POU3F3: variants seen among roughly 807,000 people sequenced by gnomAD.
The protein encoded by POU3F3 is POU class 3 homeobox 3.
A neutral mutation model predicts 8.6 loss-of-function variants in POU3F3; 1 was observed. The observed-to-expected ratio is 0.12, with a 90% confidence interval of 0.04 to 0.55. The LOEUF (loss-of-function observed/expected upper bound fraction) is 0.55. Among genes scored for constraint, POU3F3 ranks in the 20% least tolerant of loss-of-function variants. The pLI, the probability that POU3F3 is intolerant of heterozygous loss-of-function variation, is 0.91. For missense variants in POU3F3, 577 were observed against 690.7 expected, an observed-to-expected ratio of 0.84 and a Z score of 1.84; for synonymous variants, 418 against 327.4, an observed-to-expected ratio of 1.28 and a Z score of -2.99.
rs1376735977 is a variant in POU3F3 at position 104,857,039 on chromosome 2, C to T, written c.*26C>T. ...AGCCAGGGCGCAGAGCGAAGAGGGCCGCCGCCGCCGCCGCCTCCGCAGCCG... is the reference window on the plus strand; with the variant it reads ...AGCCAGGGCGCAGAGCGAAGAGGGCTGCCGCCGCCGCCGCCTCCGCAGCCG... On this transcript the variant is annotated 3_prime_UTR_variant, in exon 1 of 1. Transcript: ENST00000361360. The T allele has an allele frequency of 2.2e-6, 3 of 1,389,156 alleles. No individual in the cohort carries two copies. The highest frequency in any genetic ancestry group is 2.8e-6 in the Non-Finnish European group (3 of 1,063,810). The allele number at this position is 1,389,156 out of a possible 1,614,324, so 86.1% of individuals were successfully genotyped here.
Position 104,856,758 on chromosome 2 carries a change from C to T in POU3F3, c.1248C>T (p.Ser416=). 3.1e-6 allele frequency: 5 copies of T among 1,614,078 alleles called. No homozygotes were observed. In the South Asian group the frequency reaches 4.4e-5, roughly 14 times the overall value. Residue 416 remains serine, a synonymous_variant, in exon 1 of 1, where the codon AGC becomes AGT. Transcript: ENST00000361360. ...AGAAGCGGACCTCTATCGAGGTGAGCGTCAAGGGCGCGCTGGAGAGCCACT... is the reference window on the plus strand; with the variant it reads ...AGAAGCGGACCTCTATCGAGGTGAGTGTCAAGGGCGCGCTGGAGAGCCACT... The part of the protein sequence containing the change: ...KRKKRTSIEV[S]VKGALESHFL...
At chr2:104,872,191 C>G in the POU3F3 span, 4 of 453,814 alleles carry the variant, frequency 8.8e-6, no homozygotes, top group African/African-American at 2.0e-5. The surrounding 1 kb of genome is among the most constrained non-coding windows in gnomAD (Gnocchi z 4.6). Context: ...CCGGCTGCGC[C>G]CTCCCTCTCC....
the POU3F3 span, among the ~76,000 whole-genome samples, chr2:104,863,979 G>A: frequency 1.3e-5 from 2 of 152,226 alleles, no homozygotes; most frequent in Admixed American, 1.3e-4. Flanking sequence ...GCCGCACGGG[G>A]CGGTGGAGTT....
chr2:104,888,153 A>G, the POU3F3 span, among the ~76,000 whole-genome samples: 1 of 152,238 alleles, frequency 6.6e-6, no homozygotes, highest in East Asian at 1.9e-4. Context: ...TCTGAAAAAC[A>G]CACACCTCGC....
In POU3F3 at chr2:104,856,647, G is replaced by A. The variant is rs1676572719; in HGVS notation, c.1137G>A (p.Leu379=). ...SFKNMCKLKP[L]LNKWLEEADS... ...AGAACATGTGCAAGCTCAAGCCGCT[G>A]CTGAACAAGTGGCTGGAGGAGGCGG... The change falls in exon 1 of 1, where the codon CTG becomes CTA. Residue 379 remains leucine, a synonymous_variant. Transcript: ENST00000361360. 1 of 1,614,214 alleles carries A rather than the reference G, an allele frequency of 6.2e-7. No homozygotes were observed. Among genetic ancestry groups the A allele is most frequent in the Middle Eastern group, 1.6e-4 (1 of 6,062 alleles).
the POU3F3 span, among the ~76,000 whole-genome samples, chr2:104,917,947 T>C: frequency 6.6e-6 from 1 of 152,202 alleles, no homozygotes; most frequent in Non-Finnish European, 1.5e-5. Flanking sequence ...AAGGGCACCC[T>C]AGCCTGAGTT....
chr2:104,861,383 T>TG (rs1676653226), downstream of POU3F3, among the ~76,000 whole-genome samples: 2 of 152,222 alleles, frequency 1.3e-5, no homozygotes, highest in African/African-American at 4.8e-5. Context: ...AAGGTGGACC[T>TG]GATTGTTTTT....
At chr2:104,867,350 G>C in the POU3F3 span, 2 of 152,430 alleles carry the variant, frequency 1.3e-5, no homozygotes, top group African/African-American at 2.4e-5. The surrounding 1 kb of genome is among the most constrained non-coding windows in gnomAD (Gnocchi z 5.0). Context: ...GGCCCGGGAG[G>C]GGGAGCTGCT....
chr2:104,882,578 C>T, the POU3F3 span, among the ~76,000 whole-genome samples: 1 of 152,128 alleles, frequency 6.6e-6, no homozygotes, highest in Non-Finnish European at 1.5e-5. Flanking sequence ...TTTCTTCCTT[C>T]AGCCTCACCT....
chr2:104,892,635 T>A, the POU3F3 span, among the ~76,000 whole-genome samples: 1 of 150,172 alleles, frequency 6.7e-6, no homozygotes, highest in Non-Finnish European at 1.5e-5. Context: ...CTGGCTGATT[T>A]TATATATATA....
Position 104,857,114 on chromosome 2 carries a change from C to CGCT in POU3F3, c.*104_*106dup. On this transcript the variant is annotated 3_prime_UTR_variant, in exon 1 of 1. Coordinates refer to ENST00000361360, the MANE Select transcript of POU3F3 (RefSeq NM_006236.3). ...CCGCCGCCGCCGCCGCCGCCGCCGC[C>CGCT]GCTGCCGCCGCCGCGCCGACCCTGC... The CGCT allele has an allele frequency of 2.1e-6, 2 of 950,470 alleles. No homozygotes were observed. The highest frequency in any genetic ancestry group is 2.5e-6 in the Non-Finnish European group (2 of 800,122). 58.9% of individuals were successfully genotyped at this position (950,470 alleles called of 1,614,324 possible). A position where few individuals can be genotyped will look rare whatever the true frequency, so the allele number is the denominator to read the frequency against.
chr2:104,900,622 G>A, the POU3F3 span, among the ~76,000 whole-genome samples: 1,468 of 152,214 alleles, frequency 9.6e-3, 28 homozygotes, highest in African/African-American at 0.034. Context: ...GTTGTTTTAG[G>A]TAACACGTAA....
chr2:104,909,245 C>T, the POU3F3 span, among the ~76,000 whole-genome samples: 1 of 152,210 alleles, frequency 6.6e-6, no homozygotes, highest in African/African-American at 2.4e-5. Flanking sequence ...TCCCAAGTCT[C>T]TGCCTTTCAC....
the POU3F3 span, among the ~76,000 whole-genome samples, chr2:104,875,110 G>A: frequency 6.6e-6 from 1 of 152,174 alleles, no homozygotes; most frequent in African/African-American, 2.4e-5. Context: ...TTTTGTGACT[G>A]GCTTCTTTCA....
At chr2:104,868,890 A>G in the POU3F3 span, among the ~76,000 whole-genome samples, 18 of 152,200 alleles carry the variant, frequency 1.2e-4, no homozygotes, top group Non-Finnish European at 2.1e-4. Context: ...AAGATTTTCT[A>G]TGTGTGTGTG....
chr2:104,888,012 C>G, the POU3F3 span, among the ~76,000 whole-genome samples: 1 of 152,292 alleles, frequency 6.6e-6, no homozygotes, highest in African/African-American at 2.4e-5. Context: ...ACAGCACGTG[C>G]TTTTAAGAAG....
chr2:104,888,144 C>T, the POU3F3 span, among the ~76,000 whole-genome samples: 2 of 152,190 alleles, frequency 1.3e-5, no homozygotes, highest in Admixed American at 1.3e-4. Flanking sequence ...CATCTTTCAT[C>T]TGAAAAACAC....
the POU3F3 span, among the ~76,000 whole-genome samples, chr2:104,907,545 C>A: frequency 6.6e-6 from 1 of 152,280 alleles, no homozygotes; most frequent in African/African-American, 2.4e-5. Flanking sequence ...AAGCATTGAG[C>A]AAATAAGTGG....
At chr2:104,924,728 T>A in the POU3F3 span, among the ~76,000 whole-genome samples, 1 of 152,348 alleles carries the variant, frequency 6.6e-6, no homozygotes, top group East Asian at 1.9e-4. Flanking sequence ...TTTTCTGAAT[T>A]GATTTTATTC....
Sources: gnomAD v4.1 joint callset for allele counts (sites outside exome capture counted in the v4.1 genomes callset) on GRCh38, gnomAD v4.1.1 for gene constraint, Gnocchi (gnomAD v3.1) non-coding constraint, MANE v1.5 for transcripts, NCBI Gene and HGNC (gene_info 2026-07-23, HGNC 2026-07-21) for gene names.